ADAMTS20: variants seen among roughly 807,000 people sequenced by gnomAD.
ADAMTS20 encodes the protein A disintegrin and metalloproteinase with thrombospondin motifs 20.
Under a neutral mutation model 260.1 loss-of-function variants are expected in ADAMTS20, and 225 were observed. That is an observed-to-expected ratio of 0.87 (90% CI 0.78 to 0.97). The LOEUF (loss-of-function observed/expected upper bound fraction) is 0.97, where lower values mean the gene tolerates loss of function less well. ADAMTS20 is among the 50% of genes least tolerant of loss of function. The probability of loss-of-function intolerance (pLI) is 0.00; values close to 1 mark genes in which losing one functional copy is unlikely to be tolerated. For synonymous variants in ADAMTS20, 802 were observed against 769.5 expected, an observed-to-expected ratio of 1.04 and a Z score of -0.70; for missense variants, 2,400 against 2,337.7, an observed-to-expected ratio of 1.03 and a Z score of -0.55.
chr12:43,500,107 C>A (rs375738597), intron 4 of ADAMTS20, among the ~76,000 whole-genome samples: 4 of 151,738 alleles, frequency 2.6e-5, no homozygotes, highest in South Asian at 4.2e-4. Context: ...CGGCTCACTG[C>A]AACCTCCATC....
chr12:43,517,556 C>T (rs930164780), intron 3 of ADAMTS20, among the ~76,000 whole-genome samples: 7 of 151,890 alleles, frequency 4.6e-5, no homozygotes, highest in East Asian at 1.9e-4. Context: ...AATAAATTGA[C>T]GATATAACGT....
intron 28 of ADAMTS20, among the ~76,000 whole-genome samples, chr12:43,416,757 C>T (rs1007553259): frequency 6.6e-6 from 1 of 151,844 alleles, no homozygotes; most frequent in Non-Finnish European, 1.5e-5. Context: ...CTCCTGACCT[C>T]GTGATCCGAC....
chr12:43,508,798 A>G (rs1432170176), intron 3 of ADAMTS20, among the ~76,000 whole-genome samples: 1 of 152,132 alleles, frequency 6.6e-6, no homozygotes, highest in East Asian at 1.9e-4. Context: ...TGAAATGTAC[A>G]ATAAATTATT....
At chr12:43,501,408 A>G (rs1942758276) in intron 4 of ADAMTS20, among the ~76,000 whole-genome samples, 1 of 151,088 alleles carries the variant, frequency 6.6e-6, no homozygotes, top group South Asian at 2.1e-4. Flanking sequence ...CTTAGTGATT[A>G]CTCTAAAATA....
In ADAMTS20 at chr12:43,551,019, C is replaced by G; in HGVS notation, c.343G>C (p.Gly115Arg). 2 of 1,613,738 alleles carry G rather than the reference C, an allele frequency of 1.2e-6. No homozygotes were observed. Among genetic ancestry groups the G allele is most frequent in the Non-Finnish European group, 1.7e-6 (2 of 1,179,786 alleles). Residue 115 changes from glycine to arginine, a missense_variant, in exon 2 of 39, where the codon GGG becomes CGG. Gly to Arg is a moderately radical substitution (Grantham distance 125). Coordinates refer to ENST00000389420, the MANE Select transcript of ADAMTS20 (RefSeq NM_025003.5). The surrounding 1 kb of genome is among the most constrained non-coding windows in gnomAD (Gnocchi z 4.6). Reference sequence around the variant, plus strand: ...GGCCCTGCGTCGCTCTCCCAGGCCCCGCGCTCCGGGGTTCCCAAGTGCACC... The same window carrying G: ...GGCCCTGCGTCGCTCTCCCAGGCCCGGCGCTCCGGGGTTCCCAAGTGCACC... ...TEVHLGTPERGAWESDAGPSD... is the reference protein window; with the variant it reads ...TEVHLGTPERRAWESDAGPSD...
intron 7 of ADAMTS20, among the ~76,000 whole-genome samples, chr12:43,488,996 G>T (rs887669436): frequency 6.6e-6 from 1 of 151,878 alleles, no homozygotes; most frequent in Non-Finnish European, 1.5e-5. Context: ...GTTATTGTAC[G>T]TGCAATGTAA....
At chr12:43,417,994 A>G (rs1021733222) in intron 28 of ADAMTS20, among the ~76,000 whole-genome samples, 2 of 152,210 alleles carry the variant, frequency 1.3e-5, no homozygotes, top group African/African-American at 4.8e-5. Flanking sequence ...AACTGCAACT[A>G]CAACTGCTGC....
rs187665747 is a variant in ADAMTS20, at chr12:43,516,540, A to G, written c.614-14135T>C. Among the ~76,000 whole-genome samples, 258 of 152,352 alleles carry G rather than the reference A, an allele frequency of 1.7e-3. 1 individual carries two copies. The highest frequency in any genetic ancestry group is 3.0e-3 in the Non-Finnish European group (206 of 68,036). ...TTAGTGATCTACTATTTTAGATAGAAAAAGTTGTATATCTTGCTCTCTACA... is the reference window on the plus strand; with the variant it reads ...TTAGTGATCTACTATTTTAGATAGAGAAAGTTGTATATCTTGCTCTCTACA... On this transcript the variant is annotated intron_variant, in intron 3 of 38. Coordinates refer to ENST00000389420, the MANE Select transcript of ADAMTS20 (RefSeq NM_025003.5).
At chr12:43,550,807 C>G in intron 2 of ADAMTS20, 102 bp downstream of exon 2, 1 of 1,427,422 alleles carries the variant, frequency 7.0e-7, no homozygotes, top group Non-Finnish European at 9.2e-7. Flanking sequence ...AACCTGAACT[C>G]CAGGGTCATC....
chr12:43,434,488 A>G (rs1253212560), intron 18 of ADAMTS20, 117 bp from the exon 19 acceptor site: 4 of 983,758 alleles, frequency 4.1e-6, no homozygotes, highest in Non-Finnish European at 5.8e-6. Flanking sequence ...AAAAATTTCC[A>G]ATGCAACATA....
chr12:43,352,998 G>GA (rs1311908514), downstream of ADAMTS20, among the ~76,000 whole-genome samples: 1 of 151,974 alleles, frequency 6.6e-6, no homozygotes, highest in East Asian at 1.9e-4. Context: ...ATGTTTGGGA[G>GA]AAAAACACTT....
chr12:43,423,873 G>T (rs1178752915), intron 28 of ADAMTS20: 1 of 727,520 alleles, frequency 1.4e-6, no homozygotes, highest in Non-Finnish European at 2.5e-6. Flanking sequence ...TTTTTCATTA[G>T]TTCCCACAAG....
At chr12:43,445,949 A>C (rs1021386675) in intron 15 of ADAMTS20, among the ~76,000 whole-genome samples, 2 of 152,206 alleles carry the variant, frequency 1.3e-5, no homozygotes, top group African/African-American at 4.8e-5. Context: ...ACAAAAAAAA[A>C]TTGCCCAGAA....
chr12:43,458,063 G>A (rs979529024), intron 11 of ADAMTS20, among the ~76,000 whole-genome samples: 9 of 152,166 alleles, frequency 5.9e-5, no homozygotes, highest in African/African-American at 1.7e-4. Context: ...AAAGGTGGTG[G>A]GGGCACAGCT....
intron 11 of ADAMTS20, among the ~76,000 whole-genome samples, chr12:43,457,541 A>T (rs1282386413): frequency 2.0e-5 from 3 of 152,228 alleles, no homozygotes; most frequent in African/African-American, 7.2e-5. Context: ...CAAGCATAGC[A>T]TATCCAAAAC....
intron 4 of ADAMTS20, among the ~76,000 whole-genome samples, chr12:43,498,828 A>T (rs1380746765): frequency 6.6e-6 from 1 of 152,124 alleles, no homozygotes; most frequent in Non-Finnish European, 1.5e-5. Flanking sequence ...TCAATACCAA[A>T]ACTGATCAAG....
At chr12:43,458,960 G>A (rs1448612968) in intron 11 of ADAMTS20, among the ~76,000 whole-genome samples, 3 of 152,124 alleles carry the variant, frequency 2.0e-5, no homozygotes, top group Admixed American at 6.5e-5. Context: ...AAAAACAGGA[G>A]GTAAAGAAAT....
intron 7 of ADAMTS20, among the ~76,000 whole-genome samples, chr12:43,480,875 G>A (rs965628116): frequency 1.3e-5 from 2 of 152,026 alleles, no homozygotes; most frequent in Admixed American, 1.3e-4. Flanking sequence ...AGTTAGACAG[G>A]AGAAATACGT....
At chr12:43,428,098 C>T (rs186057219) in intron 26 of ADAMTS20, 143 bp downstream of exon 26, 136 of 838,792 alleles carry the variant, frequency 1.6e-4, no homozygotes, top group South Asian at 2.9e-4. Context: ...GCATCAAAGA[C>T]GCTTAATCTT....
Sources: gnomAD v4.1 joint callset for allele counts (sites outside exome capture counted in the v4.1 genomes callset) on GRCh38, gnomAD v4.1.1 for gene constraint, Gnocchi (gnomAD v3.1) non-coding constraint, MANE v1.5 for transcripts, NCBI Gene and HGNC (gene_info 2026-07-23, HGNC 2026-07-21) for gene names.